PCDHA1: variants seen among roughly 807,000 people sequenced by gnomAD.
PCDHA1 encodes the protein protocadherin alpha 1.
PCDHA1 carries 42 observed loss-of-function variants against 61.3 expected under a neutral mutation model. The observed-to-expected ratio is 0.69, with a 90% CI of 0.54 to 0.89. The LOEUF is 0.89. Ranked by LOEUF, PCDHA1 falls within the 40% of genes least tolerant of loss-of-function variation. The probability of loss-of-function intolerance (pLI) is 0.00; values close to 1 mark genes in which losing one functional copy is unlikely to be tolerated. For missense variants in PCDHA1, 1,256 were observed against 1,235.3 expected, an observed-to-expected ratio of 1.02 and a Z score of -0.25; for synonymous variants, 610 against 553.8, an observed-to-expected ratio of 1.10 and a Z score of -1.43.
chr5:140,808,804 T>G, intron 1 of PCDHA1: 1 of 1,612,690 alleles, frequency 6.2e-7, no homozygotes, highest in African/African-American at 1.3e-5. Context: ...CCGCTCGCGA[T>G]GCCGGCGTGC....
intron 1 of PCDHA1, chr5:140,811,804 A>C (rs1764963643): frequency 6.6e-6 from 1 of 152,160 alleles, no homozygotes; most frequent in South Asian, 2.1e-4. Context: ...TCTTCTTTTG[A>C]GAAGTGTCTG....
chr5:140,857,226 C>G, intron 1 of PCDHA1: 2 of 1,598,494 alleles, frequency 1.3e-6, no homozygotes, highest in Non-Finnish European at 1.7e-6. Context: ...CCTCACGTTC[C>G]GTTCAAGCTG....
intron 1 of PCDHA1, chr5:140,969,317 G>A (rs1554231675): frequency 6.2e-7 from 1 of 1,614,156 alleles, no homozygotes; most frequent in East Asian, 2.2e-5. Context: ...AAATGAGGCT[G>A]TTTCTCAAAA....
intron 1 of PCDHA1, chr5:140,862,898 C>T (rs782019926): frequency 8.8e-5 from 49 of 555,816 alleles, no homozygotes; most frequent in Non-Finnish European, 7.3e-5. Flanking sequence ...ACAACTTTGT[C>T]TGCGCTGCTG....
intron 1 of PCDHA1, 142 bp from the exon 2 acceptor site, chr5:140,978,807 A>T (rs1489269679): frequency 6.7e-7 from 1 of 1,494,726 alleles, no homozygotes; most frequent in Non-Finnish European, 8.9e-7. Context: ...AGATATCATC[A>T]TAGAGTTACA....
At chr5:140,940,369 T>C (rs1554213311) in intron 1 of PCDHA1, among the ~76,000 whole-genome samples, 1 of 152,212 alleles carries the variant, frequency 6.6e-6, no homozygotes, top group Admixed American at 6.5e-5. Context: ...AAAGTATTCC[T>C]TGAGTTGTTA....
intron 1 of PCDHA1, chr5:140,841,610 G>A (rs199713478): frequency 9.3e-7 from 1 of 1,080,210 alleles, no homozygotes; most frequent in Admixed American, 2.5e-5. Context: ...GGAGCTGTGC[G>A]GGCGGAGCGC....
At chr5:140,828,165 A>T (rs2150151660) in intron 1 of PCDHA1, 1 of 1,614,154 alleles carries the variant, frequency 6.2e-7, no homozygotes, top group South Asian at 1.1e-5. Flanking sequence ...GCAGCCTGGA[A>T]GGTGGGGAGC....
chr5:140,883,804 G>T (rs373228578), intron 1 of PCDHA1: 1 of 1,612,420 alleles, frequency 6.2e-7, no homozygotes, highest in African/African-American at 1.3e-5. Context: ...CGGTGCACGC[G>T]GAGAGCGGCA....
intron 1 of PCDHA1, among the ~76,000 whole-genome samples, chr5:140,846,989 C>G (rs1449097023): frequency 6.7e-6 from 1 of 149,310 alleles, no homozygotes; most frequent in Non-Finnish European, 1.5e-5. Context: ...AAGTTCCCCC[C>G]GGGAGAATAT....
At chr5:140,886,123 G>A (rs868933605) in intron 1 of PCDHA1, among the ~76,000 whole-genome samples, 53 of 152,236 alleles carry the variant, frequency 3.5e-4, no homozygotes, top group African/African-American at 1.2e-3. Flanking sequence ...ACATAGTTCC[G>A]TAACAACCAG....
At chr5:140,843,273 T>A in intron 1 of PCDHA1, 1 of 1,595,994 alleles carries the variant, frequency 6.3e-7, no homozygotes, top group Non-Finnish European at 8.6e-7. Flanking sequence ...CTGGTCCTGG[T>A]GAAGGATCAT....
rs2150331994 is a variant in PCDHA1, at chr5:140,842,213, A to G, written c.2394+53529A>G. The G allele has an allele frequency of 8.1e-6, 13 of 1,613,600 alleles. 1 individual carries two copies. The South Asian group carries it at 1.4e-4, about 18-fold the overall frequency. ...TATTGACCACTTTAGCATAGATCGA[A>G]ATACGGGAGAAATAGTGATTCGGGG... On this transcript the variant is annotated intron_variant, in intron 1 of 3. Coordinates refer to ENST00000504120, the MANE Select transcript of PCDHA1 (RefSeq NM_018900.4).
intron 1 of PCDHA1, chr5:140,795,386 G>C (rs1056911639): frequency 6.2e-7 from 1 of 1,614,026 alleles, no homozygotes; most frequent in African/African-American, 1.3e-5. Flanking sequence ...AAGACTATCC[G>C]GTTTCCCGAA....
At chr5:140,966,542 G>C (rs926112867) in intron 1 of PCDHA1, 4 of 464,302 alleles carry the variant, frequency 8.6e-6, no homozygotes, top group Non-Finnish European at 1.5e-5. Flanking sequence ...GAGCGACTCG[G>C]AGGCGAGCGG....
chr5:140,867,581 T>C (rs1322597888), intron 1 of PCDHA1: 1 of 152,170 alleles, frequency 6.6e-6, no homozygotes, highest in Non-Finnish European at 1.5e-5. Context: ...GCCCTTGCAG[T>C]ATTTTTAGAT....
At chr5:140,820,662 A>G (rs1027521114) in intron 1 of PCDHA1, among the ~76,000 whole-genome samples, 1 of 152,094 alleles carries the variant, frequency 6.6e-6, no homozygotes, top group Admixed American at 6.5e-5. Context: ...AATTAAACTA[A>G]TATAAAGATA....
chr5:140,926,805 G>T (rs1383202456), intron 1 of PCDHA1: 3 of 1,452,468 alleles, frequency 2.1e-6, no homozygotes, highest in East Asian at 5.0e-5. Flanking sequence ...GCTCTTCCCC[G>T]CGGCTCGTGC....
At position 140,993,462 on chromosome 5, in the gene PCDHA1, T is replaced by TCACACACACA. The variant is rs3836747; in HGVS notation, c.2542+10937_2542+10946dup. On this transcript the variant is annotated intron_variant, in intron 3 of 3. Coordinates refer to ENST00000504120, the MANE Select transcript of PCDHA1 (RefSeq NM_018900.4). Reference sequence around the variant, plus strand: ...CATTCCTGTTCTCCTTCTTTCTTTCTCACACACACACACACACACACACAC... The same window carrying TCACACACACA: ...CATTCCTGTTCTCCTTCTTTCTTTCTCACACACACACACACACACACACACACACACACAC... Among the ~76,000 whole-genome samples, 267 of 141,038 alleles carry TCACACACACA rather than the reference T, an allele frequency of 1.9e-3. 2 individuals are homozygous for TCACACACACA. The highest frequency in any genetic ancestry group is 2.7e-3 in the Non-Finnish European group (175 of 64,694). The allele number at this position is 141,038 out of a possible 152,430, so 92.5% of individuals were successfully genotyped here.
Sources: gnomAD v4.1 joint callset for allele counts (sites outside exome capture counted in the v4.1 genomes callset) on GRCh38, gnomAD v4.1.1 for gene constraint, MANE v1.5 for transcripts, NCBI Gene and HGNC (gene_info 2026-07-23, HGNC 2026-07-21) for gene names.